FAM13C: variants seen among roughly 807,000 people sequenced by gnomAD.
FAM13C encodes the protein protein FAM13C.
In FAM13C, 37 loss-of-function variants were observed where a neutral mutation model predicts 73.2. That is an observed-to-expected ratio of 0.51 (90% confidence interval 0.39 to 0.67). FAM13C has a LOEUF of 0.67. Ranked by LOEUF, FAM13C falls within the 30% of genes least tolerant of loss-of-function variation. The pLI is 0.00. For synonymous variants in FAM13C, 246 were observed against 260.9 expected (o/e 0.94, Z 0.55); for missense variants, 589 against 715.6 (o/e 0.82, Z 2.02).
At chr10:59,349,688 G>A (rs556625264) in intron 3 of FAM13C, among the ~76,000 whole-genome samples, 5 of 152,236 alleles carry the variant, frequency 3.3e-5, no homozygotes, top group Admixed American at 6.5e-5. Context: ...CCTTGAGCCT[G>A]GGAGGCGGAG....
chr10:59,280,980 C>A (rs1160431002), intron 6 of FAM13C, among the ~76,000 whole-genome samples: 1 of 152,114 alleles, frequency 6.6e-6, no homozygotes, highest in African/African-American at 2.4e-5. Context: ...ATGTTCAAAT[C>A]CGTGTTCAAA....
At chr10:59,287,029 ATC>A (rs1845657557) in intron 5 of FAM13C, among the ~76,000 whole-genome samples, 1 of 106,344 alleles carries the variant, frequency 9.4e-6, no homozygotes. Flanking sequence ...GCGAGACTCC[ATC>A]TCAAAAAAAA....
intron 3 of FAM13C, among the ~76,000 whole-genome samples, chr10:59,330,828 G>C (rs982976348): frequency 2.0e-5 from 3 of 152,130 alleles, no homozygotes; most frequent in Non-Finnish European, 2.9e-5. Flanking sequence ...AATAGTTTCT[G>C]ATTATGATCA....
At chr10:59,345,627 T>C (rs1045388202) in intron 3 of FAM13C, among the ~76,000 whole-genome samples, 3 of 152,216 alleles carry the variant, frequency 2.0e-5, no homozygotes, top group Non-Finnish European at 4.4e-5. Flanking sequence ...CAGAATCTGA[T>C]AGACCACAGG....
chr10:59,254,484 A>C lies in FAM13C; in HGVS notation c.1237-41T>G, dbSNP rs754010523. The C allele has an allele frequency of 2.4e-6, 3 of 1,232,194 alleles. No individual in the cohort carries two copies. The African/African-American group carries it at 4.6e-5, about 19-fold the overall frequency. 76.3% of individuals were successfully genotyped at this position (1,232,194 alleles called of 1,614,324 possible). On this transcript the variant is annotated intron_variant, in intron 10 of 13. Transcript: ENST00000618804. The stretch of plus-strand genomic sequence containing the variant: ...TTAATTATTATTCCTCTCTCAGACA[A>C]GAATGAAAACGTCAACATTTTTAGC...
intron 4 of FAM13C, among the ~76,000 whole-genome samples, chr10:59,309,511 G>A (rs1217389051): frequency 6.6e-6 from 1 of 152,048 alleles, no homozygotes; most frequent in South Asian, 2.1e-4. Flanking sequence ...CATTCTTTCC[G>A]TTTTGTGGAT....
At chr10:59,250,478 T>C (rs1228370295) in intron 13 of FAM13C, among the ~76,000 whole-genome samples, 2 of 152,222 alleles carry the variant, frequency 1.3e-5, no homozygotes, top group Admixed American at 6.5e-5. Context: ...CTGTATTGGC[T>C]GAATGCAAAA....
intron 5 of FAM13C, among the ~76,000 whole-genome samples, chr10:59,287,033 CAAA>C (rs1202727571): frequency 7.7e-5 from 3 of 38,962 alleles, no homozygotes; most frequent in African/African-American, 9.2e-5. Context: ...GACTCCATCT[CAAA>C]AAAAAAAAAA....
At chr10:59,284,112 T>C (rs1314994602) in intron 5 of FAM13C, among the ~76,000 whole-genome samples, 2 of 151,954 alleles carry the variant, frequency 1.3e-5, no homozygotes, top group Non-Finnish European at 2.9e-5. Flanking sequence ...TGGAGGGAGA[T>C]GACCTTGGTC....
At chr10:59,273,044 T>C (rs1449215553) in intron 6 of FAM13C, among the ~76,000 whole-genome samples, 1 of 152,178 alleles carries the variant, frequency 6.6e-6, no homozygotes, top group Non-Finnish European at 1.5e-5. Context: ...AACTATTTAT[T>C]GTACTGCACT....
At chr10:59,298,350 C>T (rs958303317) in intron 5 of FAM13C, among the ~76,000 whole-genome samples, 1 of 152,334 alleles carries the variant, frequency 6.6e-6, no homozygotes. Flanking sequence ...TGTAAACAAA[C>T]TCATATTCAC....
chr10:59,257,777 G>A (rs149521316), intron 10 of FAM13C, among the ~76,000 whole-genome samples: 23 of 152,280 alleles, frequency 1.5e-4, no homozygotes, highest in Non-Finnish European at 2.6e-4. Context: ...TGTTCAAGCC[G>A]GGAATTGAAG....
chr10:59,272,815 G>A (rs958959180), intron 6 of FAM13C, among the ~76,000 whole-genome samples: 9 of 152,068 alleles, frequency 5.9e-5, no homozygotes, highest in African/African-American at 1.9e-4. Flanking sequence ...ACCACTTATC[G>A]GCAGGGGATA....
rs553978893 is a variant in FAM13C at position 59,359,528 on chromosome 10, T to C, written c.62+2871A>G. On this transcript the variant is annotated intron_variant, in intron 1 of 13. Coordinates refer to ENST00000618804, the MANE Select transcript of FAM13C (RefSeq NM_198215.4). ...AAAGTTGCAGAGGTACAGCCTCCTG[T>C]GGGCTTTCTCAAAATGTGGCCCCTT... Among the ~76,000 whole-genome samples, 67 of 152,340 alleles carry C rather than the reference T, an allele frequency of 4.4e-4. 1 individual carries two copies. Among genetic ancestry groups the C allele is most frequent in the African/African-American group, 1.6e-3 (65 of 41,580 alleles).
In FAM13C at chr10:59,362,499, C is replaced by T; in HGVS notation, c.-39G>A. The T allele has an allele frequency of 5.0e-6, 8 of 1,606,856 alleles. No homozygotes were observed. The highest frequency in any genetic ancestry group is 6.8e-6 in the Non-Finnish European group (8 of 1,176,168). ...CCGGGGAGCCGTCTCCCTGATTGCT[C>T]TCCGGGAGTTAGAGCACATACACAA... is the stretch of plus-strand genomic sequence containing the variant. On this transcript the variant is annotated 5_prime_UTR_variant, in exon 1 of 14. Coordinates refer to ENST00000618804, the MANE Select transcript of FAM13C (RefSeq NM_198215.4).
chr10:59,362,598 C>T, upstream of FAM13C: 1 of 1,492,930 alleles, frequency 6.7e-7, no homozygotes, highest in Non-Finnish European at 8.9e-7. Flanking sequence ...TCTGCACATG[C>T]TCGTAACGAC....
chr10:59,340,057 T>C (rs1027708964), intron 3 of FAM13C, among the ~76,000 whole-genome samples: 1 of 152,162 alleles, frequency 6.6e-6, no homozygotes, highest in Non-Finnish European at 1.5e-5. Context: ...TTCGAAAGTA[T>C]CTTAGTCAAC....
At chr10:59,353,763 C>T (rs539695102) in intron 2 of FAM13C, among the ~76,000 whole-genome samples, 2 of 152,158 alleles carry the variant, frequency 1.3e-5, no homozygotes, top group Non-Finnish European at 2.9e-5. Context: ...AAAAATAAAA[C>T]TACGTGACAT....
chr10:59,270,669 T>C (rs1843627959), intron 6 of FAM13C, among the ~76,000 whole-genome samples: 1 of 152,196 alleles, frequency 6.6e-6, no homozygotes, highest in African/African-American at 2.4e-5. Context: ...CAGAATATGC[T>C]AAATGGAAAC....
Sources: gnomAD v4.1 joint callset for allele counts (sites outside exome capture counted in the v4.1 genomes callset) on GRCh38, gnomAD v4.1.1 for gene constraint, MANE v1.5 for transcripts, NCBI Gene and HGNC (gene_info 2026-07-23, HGNC 2026-07-21) for gene names.